Variants in JAK2 observed in about 807,000 individuals in gnomAD.
JAK2 encodes the protein tyrosine-protein kinase JAK2.
JAK2 carries 86 observed loss-of-function variants against 139.3 expected under a neutral mutation model. The observed-to-expected ratio is 0.62, with a 90% CI of 0.52 to 0.74. The LOEUF (loss-of-function observed/expected upper bound fraction) is 0.74. JAK2 is among the 30% of genes least tolerant of loss of function. The pLI, the probability that JAK2 is intolerant of heterozygous loss-of-function variation, is 0.00. For synonymous variants in JAK2, 490 were observed against 437.7 expected (o/e 1.12, Z -1.49); for missense variants, 1,421 against 1,360.3 (o/e 1.04, Z -0.70).
intron 2 of JAK2, among the ~76,000 whole-genome samples, chr9:4,988,624 C>A (rs778353936): frequency 3.9e-5 from 6 of 152,228 alleles, no homozygotes; most frequent in Non-Finnish European, 7.3e-5. Flanking sequence ...ACCAGCTGAT[C>A]ATGGCTTAAT....
intron 2 of JAK2, among the ~76,000 whole-genome samples, chr9:5,009,647 C>T (rs1408280385): frequency 6.6e-6 from 1 of 151,972 alleles, no homozygotes; most frequent in African/African-American, 2.4e-5. Context: ...ACAACCCCTG[C>T]CCCATCCCCA....
chr9:5,091,469 A>G (rs1301332850), intron 22 of JAK2: 2 of 152,040 alleles, frequency 1.3e-5, no homozygotes, highest in Admixed American at 6.6e-5. Context: ...AGTTGATTTA[A>G]TTTTTGAGGG....
intron 22 of JAK2, among the ~76,000 whole-genome samples, chr9:5,102,481 C>G (rs1564006313): frequency 6.6e-6 from 1 of 152,108 alleles, no homozygotes; most frequent in Non-Finnish European, 1.5e-5. Context: ...GGATATTATC[C>G]AGGAGAACTT....
chr9:5,019,217 C>A (rs1822259550), intron 2 of JAK2, among the ~76,000 whole-genome samples: 1 of 151,940 alleles, frequency 6.6e-6, no homozygotes, highest in South Asian at 2.1e-4. Flanking sequence ...TTATGGTATC[C>A]CATATGTCAT....
chr9:5,055,862 C>A (rs1374007313), intron 8 of JAK2, 74 bp downstream of exon 8: 15 of 1,330,368 alleles, frequency 1.1e-5, no homozygotes, highest in Non-Finnish European at 1.6e-5. Flanking sequence ...AATCTTAGTA[C>A]CAAAATTATT....
intron 22 of JAK2, chr9:5,114,143 T>G (rs1449482891): frequency 2.5e-6 from 1 of 394,548 alleles, no homozygotes; most frequent in Admixed American, 3.3e-5. Flanking sequence ...GTAACACCTT[T>G]GAGGACAGTG....
chr9:5,096,895 G>T (rs187915747), intron 22 of JAK2: 1 of 152,184 alleles, frequency 6.6e-6, no homozygotes, highest in Admixed American at 6.5e-5. Flanking sequence ...ATAATTGGGG[G>T]TTTCGGCAAC....
At chr9:5,084,026 C>CT in intron 19 of JAK2, among the ~76,000 whole-genome samples, 1 of 152,158 alleles carries the variant, frequency 6.6e-6, no homozygotes, top group African/African-American at 2.4e-5. Context: ...CAACATTCCC[C>CT]TTTATTGTAA....
chr9:5,022,873 T>C (rs1157775402), intron 3 of JAK2, among the ~76,000 whole-genome samples: 3 of 152,212 alleles, frequency 2.0e-5, no homozygotes, highest in South Asian at 2.1e-4. Context: ...TTTTGAAGAA[T>C]AGTCGTATGA....
intron 2 of JAK2, among the ~76,000 whole-genome samples, chr9:5,018,278 G>C (rs1822198460): frequency 6.6e-6 from 1 of 152,096 alleles, no homozygotes; most frequent in South Asian, 2.1e-4. Context: ...CAGTGGGTTT[G>C]ATACTTTCGT....
intron 23 of JAK2, chr9:5,125,830 T>C (rs1823953461): frequency 7.0e-6 from 1 of 142,938 alleles, no homozygotes; most frequent in African/African-American, 2.7e-5. Context: ...TATTTGTAAT[T>C]TTTTTTCCCA....
In JAK2 at chr9:5,090,753, T is replaced by C. The variant is rs1586772629; in HGVS notation, c.2901T>C (p.Leu967=). 6.2e-7 allele frequency: 1 copy of C among 1,603,252 alleles called. No homozygotes were observed. The highest frequency in any genetic ancestry group is 8.5e-7 in the Non-Finnish European group (1 of 1,177,190). The change falls in exon 22 of 25, where the codon CTT becomes CTC. Residue 967 remains leucine, a synonymous_variant. Coordinates refer to ENST00000381652, the MANE Select transcript of JAK2 (RefSeq NM_004972.4). The part of the protein sequence containing the change: ...TSQICKGMEY[L]GTKRYIHRDL... ...TTTATCCATAGGGTATGGAGTATCT[T>C]GGTACAAAAAGGTATATCCACAGGG...
At chr9:5,081,641 T>C in intron 18 of JAK2, 84 bp from the exon 19 acceptor site, 1 of 910,466 alleles carries the variant, frequency 1.1e-6, no homozygotes, top group Non-Finnish European at 1.7e-6. Context: ...CTCACGATTA[T>C]TTTGGTCAAC....
chr9:5,076,399 T>C (rs7038763), intron 14 of JAK2, among the ~76,000 whole-genome samples: 51,658 of 152,032 alleles, frequency 0.34, 9,333 homozygotes, highest in African/African-American at 0.48. Flanking sequence ...ACCTGAACTT[T>C]AAGCAGCCAC....
At chr9:5,059,003 TC>T (rs1817973360) in intron 8 of JAK2, among the ~76,000 whole-genome samples, 1 of 152,184 alleles carries the variant, frequency 6.6e-6, no homozygotes, top group African/African-American at 2.4e-5. Context: ...GTTGCTTGTG[TC>T]CTTTGATGCG....
At chr9:5,082,822 T>C (rs1241383324) in intron 19 of JAK2, among the ~76,000 whole-genome samples, 28 of 152,242 alleles carry the variant, frequency 1.8e-4, no homozygotes, top group Non-Finnish European at 2.5e-4. Context: ...GCCCTAGCCT[T>C]AAACCTTGAT....
chr9:5,095,059 C>G (rs1291273784), intron 22 of JAK2: 2 of 151,730 alleles, frequency 1.3e-5, no homozygotes, highest in Non-Finnish European at 2.9e-5. Context: ...ATAGAGTAAA[C>G]AAGAGAGGTT....
intron 19 of JAK2, among the ~76,000 whole-genome samples, chr9:5,087,250 G>C (rs1820197793): frequency 6.6e-6 from 1 of 152,176 alleles, no homozygotes; most frequent in South Asian, 2.1e-4. Context: ...CATGGCAGAA[G>C]GCACCTCTTC....
intron 22 of JAK2, among the ~76,000 whole-genome samples, chr9:5,122,333 T>C (rs77607435): frequency 9.2e-5 from 14 of 152,260 alleles, no homozygotes; most frequent in African/African-American, 3.1e-4. Flanking sequence ...GCTGTGACTT[T>C]TTCCTTTCTG....
Sources: allele counts gnomAD v4.1 joint callset (sites outside exome capture counted in the v4.1 genomes callset), GRCh38; gene constraint gnomAD v4.1.1; transcripts MANE v1.5; gene names NCBI Gene and HGNC (gene_info 2026-07-23, HGNC 2026-07-21).